TJP3: variants seen among roughly 807,000 people sequenced by gnomAD.
TJP3 encodes tight junction protein 3, also known as tight junction protein ZO-3.
Under a neutral mutation model 104.2 loss-of-function variants are expected in TJP3, and 85 were observed. That is an observed-to-expected ratio of 0.82 (90% CI 0.68 to 0.98). The LOEUF (loss-of-function observed/expected upper bound fraction) is 0.98, where lower values mean the gene tolerates loss of function less well. Among genes scored for constraint, TJP3 ranks in the 50% least tolerant of loss-of-function variants. The pLI, the probability that TJP3 is intolerant of heterozygous loss-of-function variation, is 0.00. For missense variants in TJP3, 1,367 were observed against 1,322.8 expected, an observed-to-expected ratio of 1.03 and a Z score of -0.52; for synonymous variants, 550 against 550.6, an observed-to-expected ratio of 1.00 and a Z score of 0.02.
In TJP3 at chr19:3,728,410, C is replaced by T. The variant is rs778147959; in HGVS notation, c.-9-14C>T. 10 of 1,614,222 alleles carry T rather than the reference C, an allele frequency of 6.2e-6. No individual in the cohort carries two copies. The highest frequency in any genetic ancestry group is 8.5e-6 in the Non-Finnish European group (10 of 1,180,034). ...TGTGGCCTCATGCCCATCTTCCCCG[C>T]TCCCCTCGACCAGGTGGCTGACATG... On this transcript the variant is annotated splice_polypyrimidine_tract_variant and intron_variant, in intron 1 of 20. Transcript: ENST00000541714.
At chr19:3,734,176 C>A in intron 7 of TJP3, 151 bp from the exon 8 acceptor site, 1 of 931,560 alleles carries the variant, frequency 1.1e-6, no homozygotes, top group Non-Finnish European at 1.6e-6. Flanking sequence ...CGTGAGCCAC[C>A]GTGCCCAGCT....
In TJP3 at chr19:3,735,888, C is replaced by T; in HGVS notation, c.1080C>T (p.Ser360=). The T allele has an allele frequency of 6.2e-7, 1 of 1,614,134 alleles. No individual in the cohort carries two copies. The highest frequency in any genetic ancestry group is 8.5e-7 in the Non-Finnish European group (1 of 1,180,032). ...TTTCAGAGTTGCCCAGGGAAAGCAG[C>T]TATGACATCTACAGAGTGCCCAGCA... The part of the protein sequence containing the change: ...EQRSELPRES[S]YDIYRVPSSQ... The change falls in exon 10 of 21, where the codon AGC becomes AGT. Residue 360 remains serine, a synonymous_variant. Transcript: ENST00000541714.
chr19:3,720,058 T>A (rs1356011852), intron 1 of TJP3, among the ~76,000 whole-genome samples: 1 of 152,224 alleles, frequency 6.6e-6, no homozygotes, highest in African/African-American at 2.4e-5. Context: ...ACGCCCCTTT[T>A]AATCCTCCTG....
At chr19:3,715,420 C>T (rs1392050426) in intron 1 of TJP3, among the ~76,000 whole-genome samples, 6 of 151,974 alleles carry the variant, frequency 3.9e-5, no homozygotes, top group African/African-American at 1.5e-4. Flanking sequence ...TAAGGTGATC[C>T]GAAGGTCAGG....
chr19:3,710,359 G>A (rs1386024903), intron 1 of TJP3, among the ~76,000 whole-genome samples: 3 of 152,212 alleles, frequency 2.0e-5, no homozygotes, highest in Middle Eastern at 6.8e-3. Context: ...CTTACCCCGG[G>A]CCGCACAGCC....
At chr19:3,712,770 G>A (rs2036444754) in intron 1 of TJP3, among the ~76,000 whole-genome samples, 1 of 151,980 alleles carries the variant, frequency 6.6e-6, no homozygotes, top group South Asian at 2.1e-4. Context: ...GCAACATAGC[G>A]AGATACCGTC....
At chr19:3,729,803 G>T (rs1381161873) in intron 3 of TJP3, among the ~76,000 whole-genome samples, 1 of 147,040 alleles carries the variant, frequency 6.8e-6, no homozygotes. Flanking sequence ...AAAAAATGTA[G>T]CTTCCACTCT....
At chr19:3,709,916 G>A (rs489843) in intron 1 of TJP3, among the ~76,000 whole-genome samples, 104,933 of 151,866 alleles carry the variant, frequency 0.69, 36,850 homozygotes, top group East Asian at 1. Flanking sequence ...TTGGGAGGTC[G>A]AGGCGAGTGG....
chr19:3,745,407 G>C (rs2036873744), intron 15 of TJP3, among the ~76,000 whole-genome samples: 1 of 152,050 alleles, frequency 6.6e-6, no homozygotes, highest in Admixed American at 6.5e-5. Context: ...GCCTCCCAAA[G>C]TGCTGGGACT....
In TJP3 at chr19:3,739,779, C is replaced by T. The variant is rs117757177; in HGVS notation, c.1631+645C>T. ...CCCAGAGTCTAGAGGGGCCGCATCC[C>T]TCAGCTCGGGGCCCCTTCCTCCCCC... On this transcript the variant is annotated intron_variant, in intron 13 of 20. Coordinates refer to ENST00000541714, the MANE Select transcript of TJP3 (RefSeq NM_001267560.2). Among the ~76,000 whole-genome samples, 123 of 152,278 alleles carry T rather than the reference C, an allele frequency of 8.1e-4. 2 individuals carry two copies. In the East Asian group the frequency reaches 0.02, roughly 25 times the overall value.
chr19:3,715,210 C>T (rs533573144), intron 1 of TJP3, among the ~76,000 whole-genome samples: 2 of 152,024 alleles, frequency 1.3e-5, no homozygotes, highest in East Asian at 1.9e-4. Flanking sequence ...CTGCCTCAGC[C>T]TCCCGAGTAG....
intron 11 of TJP3, 33 bp from the exon 12 acceptor site, chr19:3,738,522 G>A (rs761058838): frequency 1.3e-6 from 2 of 1,593,534 alleles, no homozygotes; most frequent in South Asian, 1.1e-5. Flanking sequence ...AGGTACCAGA[G>A]CTTTTTCTAT....
In TJP3 at chr19:3,738,889, C is replaced by A; in HGVS notation, c.1394-8C>A. 1 of 1,575,028 alleles carries A rather than the reference C, an allele frequency of 6.3e-7. No homozygotes were observed. The highest frequency in any genetic ancestry group is 8.7e-7 in the Non-Finnish European group (1 of 1,154,778). Reference sequence around the variant, plus strand: ...CAGGCAGCTCATGTGGCCTCCCGCTCTCCCCAGTTTTCTGGAAAATGGTGC... The same window carrying A: ...CAGGCAGCTCATGTGGCCTCCCGCTATCCCCAGTTTTCTGGAAAATGGTGC... On this transcript the variant is annotated splice_polypyrimidine_tract_variant and splice_region_variant and intron_variant, in intron 12 of 20. Coordinates refer to ENST00000541714, the MANE Select transcript of TJP3 (RefSeq NM_001267560.2).
chr19:3,745,983 A>G (rs1238337016), intron 15 of TJP3, 28 bp from the exon 16 acceptor site: 5 of 1,573,962 alleles, frequency 3.2e-6, no homozygotes, highest in Non-Finnish European at 4.3e-6. Context: ...GCCCTCCTGA[A>G]GCTGCTGGTC....
At chr19:3,710,714 C>T (rs1024060536) in intron 1 of TJP3, among the ~76,000 whole-genome samples, 8 of 151,866 alleles carry the variant, frequency 5.3e-5, no homozygotes, top group Admixed American at 2.0e-4. Context: ...TTATTGTGCA[C>T]TTACTGTATG....
At chr19:3,719,909 C>T (rs938746076) in intron 1 of TJP3, among the ~76,000 whole-genome samples, 1 of 152,142 alleles carries the variant, frequency 6.6e-6, no homozygotes, top group African/African-American at 2.4e-5. Flanking sequence ...ACTACATGCT[C>T]CTTTTTATTT....
chr19:3,722,627 G>A (rs1209121521), intron 1 of TJP3, among the ~76,000 whole-genome samples: 1 of 151,642 alleles, frequency 6.6e-6, no homozygotes, highest in Non-Finnish European at 1.5e-5. Flanking sequence ...CACCCTCCAG[G>A]CATGGAGCCT....
intron 14 of TJP3, 108 bp from the exon 15 acceptor site, chr19:3,743,831 G>A: frequency 2.0e-6 from 2 of 1,019,596 alleles, no homozygotes; most frequent in Non-Finnish European, 3.0e-6. Context: ...TATGGTCCTG[G>A]TTAAATAGGC....
In TJP3 at chr19:3,730,757, G is replaced by A. The variant is rs375977527; in HGVS notation, c.613+51G>A. ...CGATCAGTACTGGACACAGGGCACCGTGGTCGGATGGGCGACGGTTTCAAG... is the reference window on the plus strand; with the variant it reads ...CGATCAGTACTGGACACAGGGCACCATGGTCGGATGGGCGACGGTTTCAAG... On this transcript the variant is annotated intron_variant, in intron 5 of 20. Transcript: ENST00000541714. The surrounding 1 kb of genome is among the most constrained non-coding windows in gnomAD (Gnocchi z 7.3). 84 of 1,527,602 alleles carry A rather than the reference G, an allele frequency of 5.5e-5. No individual in the cohort carries two copies. The African/African-American group carries it at 7.7e-4, about 14-fold the overall frequency. 94.6% of individuals were successfully genotyped at this position (1,527,602 alleles called of 1,614,324 possible).
Sources: gnomAD v4.1 joint callset for allele counts (sites outside exome capture counted in the v4.1 genomes callset) on GRCh38, gnomAD v4.1.1 for gene constraint, Gnocchi (gnomAD v3.1) non-coding constraint, MANE v1.5 for transcripts, NCBI Gene and HGNC (gene_info 2026-07-23, HGNC 2026-07-21) for gene names.